CCDC15: variants seen among roughly 807,000 people sequenced by gnomAD.
CCDC15 encodes the protein coiled-coil domain-containing protein 15.
Under a neutral mutation model 114.5 loss-of-function variants are expected in CCDC15, and 105 were observed. That is an observed-to-expected ratio of 0.92 (90% CI 0.78 to 1.08). CCDC15 has a LOEUF of 1.08. Among genes scored for constraint, CCDC15 ranks in the 50% least tolerant of loss-of-function variants. CCDC15 has a pLI of 0.00. For missense variants in CCDC15, 1,105 were observed against 1,093.6 expected, an observed-to-expected ratio of 1.01 and a Z score of -0.15; for synonymous variants, 334 against 377.8, an observed-to-expected ratio of 0.88 and a Z score of 1.34.
rs1412486091 is a variant in CCDC15, at chr11:124,975,084, T to C, written c.517-12T>C. 11 of 1,537,744 alleles carry C rather than the reference T, an allele frequency of 7.2e-6. No homozygotes were observed. Among genetic ancestry groups the C allele is most frequent in the Non-Finnish European group, 9.7e-6 (11 of 1,136,920 alleles). On this transcript the variant is annotated splice_polypyrimidine_tract_variant and intron_variant, in intron 4 of 15. Coordinates refer to ENST00000344762, the MANE Select transcript of CCDC15 (RefSeq NM_025004.3). Reference sequence around the variant, plus strand: ...CTGCTTTTGTTTGCTTTCTTCCCCCTTTCCCTGGCAGCTTAGTGAAACTAT... The same window carrying C: ...CTGCTTTTGTTTGCTTTCTTCCCCCCTTCCCTGGCAGCTTAGTGAAACTAT...
chr11:124,980,880 T>G (rs1948062597), intron 6 of CCDC15, among the ~76,000 whole-genome samples: 1 of 152,226 alleles, frequency 6.6e-6, no homozygotes, highest in Admixed American at 6.5e-5. Context: ...CCTTTCTAAC[T>G]TTTTGATGTG....
intron 1 of CCDC15, 145 bp downstream of exon 1, chr11:124,954,515 T>TAA (rs1348670580): frequency 2.3e-6 from 1 of 428,364 alleles, no homozygotes; most frequent in Non-Finnish European, 4.3e-6. Flanking sequence ...GAAGGCAACT[T>TAA]AAAAACCTTT....
Position 124,963,349 on chromosome 11 carries a change from T to C in CCDC15, c.516+3346T>C, listed in dbSNP as rs1199237390. Among the ~76,000 whole-genome samples the C allele has an allele frequency of 3.9e-5, 6 of 152,358 alleles. No homozygotes were observed. The East Asian group carries it at 1.2e-3, about 29-fold the overall frequency. The stretch of plus-strand genomic sequence containing the variant: ...GATTGCCATTCTAACTGGTGTGAGA[T>C]GGTATCTCATTGTGGTTTTGATTTA... On this transcript the variant is annotated intron_variant, in intron 4 of 15. Coordinates refer to ENST00000344762, the MANE Select transcript of CCDC15 (RefSeq NM_025004.3).
intron 5 of CCDC15, among the ~76,000 whole-genome samples, chr11:124,975,645 A>G (rs1591580798): frequency 6.6e-6 from 1 of 152,136 alleles, no homozygotes. Context: ...TAAATATAGA[A>G]TATAATTTCA....
chr11:124,959,843 A>C lies in CCDC15; in HGVS notation c.356A>C (p.Gln119Pro), dbSNP rs1214532484. 2 of 1,602,366 alleles carry C rather than the reference A, an allele frequency of 1.2e-6. No homozygotes were observed. Among genetic ancestry groups the C allele is most frequent in the Non-Finnish European group, 1.7e-6 (2 of 1,173,878 alleles). The change falls in exon 4 of 16, where the codon CAG becomes CCG. Residue 119 changes from glutamine to proline, a missense_variant. Gln to Pro is a moderately conservative substitution (Grantham distance 76, BLOSUM62 -1). Coordinates refer to ENST00000344762, the MANE Select transcript of CCDC15 (RefSeq NM_025004.3). ...RAQKEGSIAMQSSATHLTSKR... is the reference protein window; with the variant it reads ...RAQKEGSIAMPSSATHLTSKR... ...CAAAAAGAAGGCTCCATAGCCATGCAGTCTTCAGCAACACACTTAACTTCC... is the reference window on the plus strand; with the variant it reads ...CAAAAAGAAGGCTCCATAGCCATGCCGTCTTCAGCAACACACTTAACTTCC...
rs1184801219 is a variant in CCDC15, at chr11:125,040,760, T to C, written c.*49T>C. On this transcript the variant is annotated 3_prime_UTR_variant, in exon 16 of 16. Transcript: ENST00000344762. ...GTATTTTGGCTTTTACTTAAAATCA[T>C]CCCTGAGAGAGTATTTAAGAAAAGC... 1 of 1,516,244 alleles carries C rather than the reference T, an allele frequency of 6.6e-7. No homozygotes were observed. 93.9% of individuals were successfully genotyped at this position (1,516,244 alleles called of 1,614,324 possible). A position where few individuals can be genotyped will look rare whatever the true frequency, so the allele number is the denominator to read the frequency against.
chr11:125,003,422 G>A (rs1948509538), intron 11 of CCDC15, among the ~76,000 whole-genome samples: 2 of 151,864 alleles, frequency 1.3e-5, no homozygotes, highest in Non-Finnish European at 1.5e-5. Flanking sequence ...TTTCTTCCAT[G>A]CCATTCCAGT....
chr11:124,963,969 T>G (rs1947720382), intron 4 of CCDC15, among the ~76,000 whole-genome samples: 1 of 152,240 alleles, frequency 6.6e-6, no homozygotes. Flanking sequence ...TGGTGTTATT[T>G]CTGAGGCCTC....
chr11:124,969,505 C>T (rs767376480), intron 4 of CCDC15, among the ~76,000 whole-genome samples: 1 of 152,104 alleles, frequency 6.6e-6, no homozygotes, highest in Non-Finnish European at 1.5e-5. Context: ...ATTCAGTTTG[C>T]TACTGTTTTC....
At chr11:125,031,841 C>T (rs1482794146) in intron 13 of CCDC15, among the ~76,000 whole-genome samples, 1 of 152,218 alleles carries the variant, frequency 6.6e-6, no homozygotes, top group Non-Finnish European at 1.5e-5. Context: ...TCAAAACTGG[C>T]AGCCTTTCAG....
At chr11:125,027,590 GT>G (rs372048179) in intron 13 of CCDC15, among the ~76,000 whole-genome samples, 6,937 of 144,480 alleles carry the variant, frequency 0.048, 275 homozygotes, top group African/African-American at 0.11. Context: ...GGGATTATTT[GT>G]TTTTTTTTTC....
intron 4 of CCDC15, among the ~76,000 whole-genome samples, chr11:124,960,630 A>G (rs1200132279): frequency 1.3e-5 from 2 of 152,216 alleles, no homozygotes; most frequent in Admixed American, 6.5e-5. Context: ...AGAATAATAC[A>G]TAGTAAATTC....
chr11:125,031,667 G>T (rs1456760000), intron 13 of CCDC15, among the ~76,000 whole-genome samples: 1 of 152,208 alleles, frequency 6.6e-6, no homozygotes, highest in African/African-American at 2.4e-5. Flanking sequence ...GGCCTTTGTT[G>T]TGATTCACCT....
intron 6 of CCDC15, among the ~76,000 whole-genome samples, chr11:124,980,308 C>T (rs1436918138): frequency 6.6e-6 from 1 of 152,142 alleles, no homozygotes; most frequent in Non-Finnish European, 1.5e-5. Context: ...AGGACTTCCT[C>T]CTCCTCAATC....
chr11:124,991,948 T>C (rs1412063840), intron 9 of CCDC15, among the ~76,000 whole-genome samples: 1 of 152,230 alleles, frequency 6.6e-6, no homozygotes, highest in Non-Finnish European at 1.5e-5. Flanking sequence ...CCTCCCAAAG[T>C]GCTGGGTTTA....
At chr11:125,034,289 A>T (rs1019814326) in intron 13 of CCDC15, among the ~76,000 whole-genome samples, 2 of 152,174 alleles carry the variant, frequency 1.3e-5, no homozygotes, top group African/African-American at 4.8e-5. Context: ...CCTCCCACAT[A>T]TCCCCATTCC....
intron 11 of CCDC15, among the ~76,000 whole-genome samples, chr11:124,993,701 G>GT (rs1158875429): frequency 6.6e-6 from 1 of 152,162 alleles, no homozygotes; most frequent in Non-Finnish European, 1.5e-5. Flanking sequence ...GTATTAAAGA[G>GT]TAAGCAACAG....
chr11:124,993,970 C>T (rs752120406), intron 11 of CCDC15, among the ~76,000 whole-genome samples: 4 of 152,180 alleles, frequency 2.6e-5, no homozygotes, highest in East Asian at 1.9e-4. Context: ...AAGATTGCTT[C>T]GCAGGTAGAG....
At chr11:124,965,096 A>G (rs1947750179) in intron 4 of CCDC15, among the ~76,000 whole-genome samples, 1 of 152,058 alleles carries the variant, frequency 6.6e-6, no homozygotes, top group Non-Finnish European at 1.5e-5. Flanking sequence ...ATTGGTCTAA[A>G]ATTCTCTTTT....
Sources: allele counts gnomAD v4.1 joint callset (sites outside exome capture counted in the v4.1 genomes callset), GRCh38; gene constraint gnomAD v4.1.1; transcripts MANE v1.5; gene names NCBI Gene and HGNC (gene_info 2026-07-23, HGNC 2026-07-21).